GPHN: variants seen among roughly 807,000 people sequenced by gnomAD.
The protein encoded by GPHN is gephyrin.
In GPHN, 17 loss-of-function variants were observed where a neutral mutation model predicts 95.5. That is an observed-to-expected ratio of 0.18 (90% CI 0.12 to 0.27). The LOEUF is 0.27. GPHN is among the 10% of genes least tolerant of loss of function. GPHN has a pLI of 1.00. For missense variants in GPHN, 660 were observed against 978.1 expected (o/e 0.67, Z 4.34); for synonymous variants, 320 against 322.5 (o/e 0.99, Z 0.08).
chr14:67,144,257 A>ACG (rs1567400655), intron 18 of GPHN, among the ~76,000 whole-genome samples: 2 of 87,090 alleles, frequency 2.3e-5, no homozygotes, highest in Admixed American at 1.3e-4. Context: ...AAAAATATAT[A>ACG]TATATATATA....
chr14:67,435,834 G>A, the GPHN span, among the ~76,000 whole-genome samples: 3 of 152,218 alleles, frequency 2.0e-5, no homozygotes, highest in Non-Finnish European at 2.9e-5. Flanking sequence ...CATTGGTGGT[G>A]CCAGCGGGTG....
At chr14:67,198,117 T>C in the GPHN span, 2 of 1,587,590 alleles carry the variant, frequency 1.3e-6, no homozygotes, top group African/African-American at 2.7e-5. Flanking sequence ...ATCCACTAAT[T>C]GTGTTTCCAT....
chr14:66,896,717 C>T (rs760155701), intron 5 of GPHN, among the ~76,000 whole-genome samples: 10 of 151,164 alleles, frequency 6.6e-5, no homozygotes, highest in Non-Finnish European at 1.2e-4. Flanking sequence ...AAAGGATGGA[C>T]GGAGTATACA....
the GPHN span, among the ~76,000 whole-genome samples, chr14:67,606,023 A>G: frequency 6.6e-6 from 1 of 152,060 alleles, no homozygotes; most frequent in Non-Finnish European, 1.5e-5. Flanking sequence ...TCTCATGTTA[A>G]TGTGTGCTTT....
the GPHN span, chr14:67,674,300 G>A: frequency 7.4e-7 from 1 of 1,360,334 alleles, no homozygotes; most frequent in Non-Finnish European, 9.8e-7. Context: ...CCGGGTCTGG[G>A]AGGAAGGTGG....
In GPHN at chr14:66,837,365, G is replaced by A. The variant is rs372252369; in HGVS notation, c.294+12799G>A. On this transcript the variant is annotated intron_variant, in intron 4 of 22. Transcript: ENST00000478722. ...AAGAACAAAAAACCAAACACCGCATGTTCTCACTCATAGGTGGGAATTGAA... is the reference window on the plus strand; with the variant it reads ...AAGAACAAAAAACCAAACACCGCATATTCTCACTCATAGGTGGGAATTGAA... Among the ~76,000 whole-genome samples the A allele has an allele frequency of 2.5e-3, 366 of 144,770 alleles. 3 individuals carry two copies. The highest frequency in any genetic ancestry group is 8.8e-3 in the African/African-American group (340 of 38,680). 95.0% of individuals were successfully genotyped at this position (144,770 alleles called of 152,430 possible).
the GPHN span, chr14:67,199,993 G>A: frequency 9.1e-5 from 96 of 1,055,972 alleles, no homozygotes; most frequent in Non-Finnish European, 1.3e-4. Flanking sequence ...GATGCAGCTG[G>A]CACACCATGG....
At chr14:66,510,907 G>A (rs557593214) in intron 1 of GPHN, among the ~76,000 whole-genome samples, 1 of 152,226 alleles carries the variant, frequency 6.6e-6, no homozygotes, top group Non-Finnish European at 1.5e-5. Flanking sequence ...TGAGAATGAG[G>A]TACAGTAGTC....
At chr14:66,758,460 TTGTC>T (rs1239129803) in intron 2 of GPHN, among the ~76,000 whole-genome samples, 2 of 152,144 alleles carry the variant, frequency 1.3e-5, no homozygotes, top group Non-Finnish European at 2.9e-5. Context: ...CCTCAGAGGC[TTGTC>T]TAAGGATCCC....
At chr14:66,509,885 G>A (rs2057971886) in intron 1 of GPHN, among the ~76,000 whole-genome samples, 1 of 152,144 alleles carries the variant, frequency 6.6e-6, no homozygotes, top group South Asian at 2.1e-4. Context: ...GATATTGAGT[G>A]CAAAGCTTAA....
chr14:66,993,455 A>G (rs1463241784), intron 9 of GPHN, among the ~76,000 whole-genome samples: 1 of 152,144 alleles, frequency 6.6e-6, no homozygotes, highest in African/African-American at 2.4e-5. Flanking sequence ...GCATTTTTCT[A>G]TTTATTACTT....
At chr14:67,004,032 A>G (rs995281381) in intron 9 of GPHN, among the ~76,000 whole-genome samples, 4 of 151,680 alleles carry the variant, frequency 2.6e-5, no homozygotes, top group Admixed American at 2.0e-4. Context: ...CTAGACCTTT[A>G]TGTTCCTCAG....
At chr14:67,385,685 G>C in the GPHN span, 1 of 128,654 alleles carries the variant, frequency 7.8e-6, no homozygotes, top group African/African-American at 3.0e-5. Flanking sequence ...TTTGGCAAAT[G>C]GTGTTATATT....
intron 4 of GPHN, among the ~76,000 whole-genome samples, chr14:66,867,505 G>A (rs1407673533): frequency 6.6e-6 from 1 of 152,120 alleles, no homozygotes; most frequent in Admixed American, 6.6e-5. Flanking sequence ...TGTCGTGGAT[G>A]TAACTTTTAT....
the GPHN span, among the ~76,000 whole-genome samples, chr14:67,609,335 T>TA: frequency 6.6e-6 from 1 of 152,178 alleles, no homozygotes; most frequent in African/African-American, 2.4e-5. Context: ...GATGAAGAGG[T>TA]ACATGGAAGT....
chr14:66,969,100 T>G (rs538800985), intron 9 of GPHN: 1 of 152,162 alleles, frequency 6.6e-6, no homozygotes, highest in Non-Finnish European at 1.5e-5. Context: ...CTTCATAGAT[T>G]ATATTTTCTC....
chr14:66,861,296 A>T (rs558972945), intron 4 of GPHN, among the ~76,000 whole-genome samples: 4 of 152,114 alleles, frequency 2.6e-5, no homozygotes, highest in Non-Finnish European at 4.4e-5. Context: ...TATAATGATA[A>T]AAGGGTGAAT....
chr14:66,867,831 A>G (rs1281909308), intron 4 of GPHN, among the ~76,000 whole-genome samples: 1 of 152,222 alleles, frequency 6.6e-6, no homozygotes, highest in East Asian at 1.9e-4. Context: ...ACATATTGTC[A>G]TTAATCTACA....
chr14:67,563,027 A>G, the GPHN span: 2 of 881,030 alleles, frequency 2.3e-6, no homozygotes, highest in Non-Finnish European at 1.7e-6. Flanking sequence ...GGCAGGTACC[A>G]TGGAGCCTGT....
Sources: gnomAD v4.1 joint callset for allele counts (sites outside exome capture counted in the v4.1 genomes callset) on GRCh38, gnomAD v4.1.1 for gene constraint, MANE v1.5 for transcripts, NCBI Gene and HGNC (gene_info 2026-07-23, HGNC 2026-07-21) for gene names.